CDH8: variants seen among roughly 807,000 people sequenced by gnomAD.
The protein encoded by CDH8 is cadherin-8.
A neutral mutation model predicts 68.1 loss-of-function variants in CDH8; 17 were observed. The observed-to-expected ratio is 0.25, with a 90% CI of 0.17 to 0.37. The LOEUF (loss-of-function observed/expected upper bound fraction) is 0.37, where lower values mean the gene tolerates loss of function less well. CDH8 is among the 10% of genes least tolerant of loss of function. CDH8 has a pLI of 1.00. For synonymous variants in CDH8, 372 were observed against 365.1 expected (o/e 1.02, Z -0.21); for missense variants, 763 against 999.3 (o/e 0.76, Z 3.19).
At chr16:61,889,815 T>C (rs944051266) in intron 3 of CDH8, among the ~76,000 whole-genome samples, 6 of 152,146 alleles carry the variant, frequency 3.9e-5, no homozygotes, top group African/African-American at 1.4e-4. Context: ...TCCTGAAATA[T>C]TAATTCCCAT....
chr16:61,909,944 G>C (rs569055014), intron 2 of CDH8, among the ~76,000 whole-genome samples: 1 of 152,020 alleles, frequency 6.6e-6, no homozygotes, highest in Non-Finnish European at 1.5e-5. Context: ...TACTATCTTC[G>C]GTCTGGACCG....
intron 4 of CDH8, among the ~76,000 whole-genome samples, chr16:61,836,812 GA>G (rs1302142230): frequency 2.0e-5 from 3 of 151,956 alleles, no homozygotes; most frequent in Admixed American, 2.0e-4. Context: ...GTCAGCCAAA[GA>G]GACTTATAAA....
In CDH8 at chr16:61,651,526, C is replaced by G. The variant is rs1389486162; in HGVS notation, c.*2082G>C. 2 of 152,098 alleles carry G rather than the reference C, an allele frequency of 1.3e-5. No individual in the cohort carries two copies. Among genetic ancestry groups the G allele is most frequent in the Non-Finnish European group, 2.9e-5 (2 of 68,040 alleles). The allele number at this position is 152,098 out of a possible 1,614,324, so 9.4% of individuals were successfully genotyped here. On this transcript the variant is annotated 3_prime_UTR_variant, in exon 12 of 12. Transcript: ENST00000577390. ...TGCGTTCAGCTTTTGAGTCAAAAAC[C>G]GTTCTCTTCTTAGCAGCCCCGCACC...
intron 2 of CDH8, among the ~76,000 whole-genome samples, chr16:61,984,708 T>A (rs1965597527): frequency 6.6e-6 from 1 of 152,158 alleles, no homozygotes; most frequent in Admixed American, 6.5e-5. Flanking sequence ...GCAGTAAAAA[T>A]TTTCATTTTA....
chr16:61,994,330 C>T (rs533441799), intron 2 of CDH8, among the ~76,000 whole-genome samples: 7 of 152,282 alleles, frequency 4.6e-5, no homozygotes, highest in African/African-American at 1.7e-4. Flanking sequence ...TCAGGCACTA[C>T]TACCATTAAG....
chr16:61,852,913 C>T (rs1597018510), intron 4 of CDH8, among the ~76,000 whole-genome samples: 1 of 148,952 alleles, frequency 6.7e-6, no homozygotes, highest in Admixed American at 6.7e-5. Context: ...TTCCTTCCTT[C>T]CTTCCTTCCC....
At chr16:61,961,617 C>T (rs1484843527) in intron 2 of CDH8, among the ~76,000 whole-genome samples, 2 of 152,166 alleles carry the variant, frequency 1.3e-5, no homozygotes, top group Non-Finnish European at 2.9e-5. Context: ...CTGTTTACTA[C>T]TCTTTATCTC....
At chr16:61,925,906 G>A (rs1964448641) in intron 2 of CDH8, among the ~76,000 whole-genome samples, 2 of 152,034 alleles carry the variant, frequency 1.3e-5, no homozygotes, top group Admixed American at 1.3e-4. Flanking sequence ...AAGTAGCAGA[G>A]AAAAGAGGAA....
chr16:61,814,412 A>T (rs1057097458), intron 7 of CDH8, among the ~76,000 whole-genome samples: 1 of 152,204 alleles, frequency 6.6e-6, no homozygotes, highest in Non-Finnish European at 1.5e-5. Context: ...CCGTAAAGGA[A>T]TATACAGACA....
At chr16:61,734,989 G>A (rs1422823988) in intron 8 of CDH8, among the ~76,000 whole-genome samples, 1 of 151,878 alleles carries the variant, frequency 6.6e-6, no homozygotes, top group Non-Finnish European at 1.5e-5. Context: ...ATCTTTCTTT[G>A]TCCATTTCAG....
Position 61,857,158 on chromosome 16 carries a change from A to G in CDH8, c.628T>C (p.Leu210=). The stretch of plus-strand genomic sequence containing the variant: ...ATGGAAAAATAAGGCTGCCCTTCCA[A>G]TATACTATAAACCAACTTTGCACTG... ...GNSAKLVYSI[L]EGQPYFSIEP... is the part of the protein sequence containing the mutation. Residue 210 remains leucine (L), a synonymous_variant, in exon 4 of 12, where the codon TTG becomes CTG. Transcript: ENST00000577390. 1 of 1,613,650 alleles carries G rather than the reference A, an allele frequency of 6.2e-7. No individual in the cohort carries two copies. Among genetic ancestry groups the G allele is most frequent in the Non-Finnish European group, 8.5e-7 (1 of 1,179,646 alleles).
At chr16:61,792,404 A>C (rs1370752845) in intron 7 of CDH8, among the ~76,000 whole-genome samples, 1 of 151,988 alleles carries the variant, frequency 6.6e-6, no homozygotes, top group Non-Finnish European at 1.5e-5. Flanking sequence ...CTTCTGTAGA[A>C]ATTTCACACA....
intron 10 of CDH8, among the ~76,000 whole-genome samples, chr16:61,663,942 T>G (rs1963618968): frequency 1.3e-5 from 2 of 152,050 alleles, no homozygotes; most frequent in South Asian, 4.1e-4. Context: ...TTTCTGCACT[T>G]GATTACACAT....
intron 7 of CDH8, among the ~76,000 whole-genome samples, chr16:61,802,174 C>T (rs2142997313): frequency 8.7e-6 from 1 of 114,318 alleles, no homozygotes; most frequent in East Asian, 2.3e-4. Context: ...CCCCGAGCAG[C>T]CTAACTGGGA....
rs928870912 is a variant in CDH8, at chr16:61,767,601, C to T, written c.1414+21745G>A. ...GGAGGTCAAAGTTATTCTTCTCTGGCAAGGACCCTCATTCATGACAAAATT... is the reference window on the plus strand; with the variant it reads ...GGAGGTCAAAGTTATTCTTCTCTGGTAAGGACCCTCATTCATGACAAAATT... On this transcript the variant is annotated intron_variant, in intron 8 of 11. Coordinates refer to ENST00000577390, the MANE Select transcript of CDH8 (RefSeq NM_001796.5). Among the ~76,000 whole-genome samples the T allele has an allele frequency of 2.0e-5, 3 of 151,862 alleles. 1 individual carries two copies. Among genetic ancestry groups the T allele is most frequent in the African/African-American group, 7.2e-5 (3 of 41,410 alleles).
intron 7 of CDH8, among the ~76,000 whole-genome samples, chr16:61,804,228 T>C (rs1033092799): frequency 4.1e-4 from 62 of 151,236 alleles, no homozygotes; most frequent in African/African-American, 1.5e-3. Flanking sequence ...ACTGGGTACG[T>C]AACGAAATGA....
At chr16:61,962,596 T>A (rs531194465) in intron 2 of CDH8, among the ~76,000 whole-genome samples, 2 of 152,324 alleles carry the variant, frequency 1.3e-5, no homozygotes, top group South Asian at 4.1e-4. Context: ...CAGCAGGAGT[T>A]AATGAGCTTT....
intron 7 of CDH8, among the ~76,000 whole-genome samples, chr16:61,811,621 A>T (rs982686770): frequency 6.6e-6 from 1 of 152,208 alleles, no homozygotes; most frequent in Non-Finnish European, 1.5e-5. Context: ...TATTTACAAT[A>T]GCCAAAATGG....
chr16:62,030,961 C>A (rs1902311314), intron 1 of CDH8, among the ~76,000 whole-genome samples: 1 of 151,698 alleles, frequency 6.6e-6, no homozygotes, highest in Non-Finnish European at 1.5e-5. Flanking sequence ...AATTCAAATA[C>A]AAAAATATAT....
Sources: gnomAD v4.1 joint callset for allele counts (sites outside exome capture counted in the v4.1 genomes callset) on GRCh38, gnomAD v4.1.1 for gene constraint, MANE v1.5 for transcripts, NCBI Gene and HGNC (gene_info 2026-07-23, HGNC 2026-07-21) for gene names.